The following CEP164 variants were observed in gnomAD, a reference collection of about 807,000 sequenced individuals.
CEP164 encodes the protein centrosomal protein of 164 kDa.
In CEP164, 162 loss-of-function variants were observed where a neutral mutation model predicts 182.7. That is an observed-to-expected ratio of 0.89 (90% CI 0.78 to 1.01). The LOEUF (loss-of-function observed/expected upper bound fraction) is 1.01. Ranked by LOEUF, CEP164 falls within the 50% of genes least tolerant of loss-of-function variation. The probability of loss-of-function intolerance (pLI) is 0.00; values close to 1 mark genes in which losing one functional copy is unlikely to be tolerated. For synonymous variants in CEP164, 661 were observed against 690.0 expected (o/e 0.96, Z 0.66); for missense variants, 1,735 against 1,790.4 (o/e 0.97, Z 0.56).
At chr11:117,372,364 G>A (rs1310545672) in intron 9 of CEP164, among the ~76,000 whole-genome samples, 1 of 151,842 alleles carries the variant, frequency 6.6e-6, no homozygotes, top group Non-Finnish European at 1.5e-5. Context: ...GCCCGCCTCG[G>A]CCTCCCCAAG....
intron 3 of CEP164, among the ~76,000 whole-genome samples, chr11:117,339,264 C>A (rs2037698189): frequency 6.6e-6 from 1 of 152,116 alleles, no homozygotes; most frequent in Non-Finnish European, 1.5e-5. Context: ...TAGTTACTCT[C>A]CGGTTGTTTA....
intron 5 of CEP164, chr11:117,356,498 G>C (rs1199772850): frequency 1.6e-6 from 2 of 1,288,438 alleles, no homozygotes; most frequent in East Asian, 1.1e-4. Flanking sequence ...TGCTTGGCAA[G>C]AGGCCTCTCA....
chr11:117,382,862 G>C lies in CEP164; in HGVS notation c.1644G>C (p.Glu548Asp), dbSNP rs1283528922. The C allele has an allele frequency of 1.9e-6, 3 of 1,614,008 alleles. No homozygotes were observed. In the African/African-American group the frequency reaches 4.0e-5, roughly 22 times the overall value. The change falls in exon 14 of 33, where the codon GAG becomes GAC. Residue 548 changes from glutamate (E) to aspartate (D), a missense_variant. By Grantham distance (45) the Glu-to-Asp change is conservative. Coordinates refer to ENST00000278935, the MANE Select transcript of CEP164 (RefSeq NM_014956.5). ...AGGAGCAGCATTCCCAGGCCGAGGA[G>C]CTGGGCCCTGGGCAGGAAGAGGCAG... The part of the protein sequence containing the change: ...KGKEQHSQAE[E>D]LGPGQEEAED...
Position 117,354,204 on chromosome 11 carries a change from C to T in CEP164, c.393+2216C>T, listed in dbSNP as rs139633528. 9.7e-3 allele frequency among the ~76,000 whole-genome samples: 1,472 copies of T among 151,922 alleles called. 25 individuals carry two copies. Among genetic ancestry groups the T allele is most frequent in the African/African-American group, 0.032 (1,331 of 41,420 alleles). ...GCTAATTTTTTGTATTTTTAGTAGA[C>T]ATGGGGTTTCACCATGATGGCCAGG... On this transcript the variant is annotated intron_variant, in intron 5 of 32. Transcript: ENST00000278935.
intron 28 of CEP164, among the ~76,000 whole-genome samples, chr11:117,408,295 C>T (rs2046940182): frequency 6.6e-6 from 1 of 152,164 alleles, no homozygotes; most frequent in African/African-American, 2.4e-5. Flanking sequence ...AGAAGAGGGC[C>T]AAGCCTTTAC....
intron 17 of CEP164, 92 bp downstream of exon 17, chr11:117,391,307 C>A: frequency 7.9e-7 from 1 of 1,261,434 alleles, no homozygotes; most frequent in Non-Finnish European, 1.1e-6. Flanking sequence ...GGGCAAGTCT[C>A]GGGTGGGCGT....
intron 4 of CEP164, among the ~76,000 whole-genome samples, chr11:117,347,077 T>C (rs1456270877): frequency 6.6e-6 from 1 of 152,314 alleles, no homozygotes; most frequent in East Asian, 1.9e-4. Context: ...TTCTTCTTTG[T>C]CTGTTTGTGT....
intron 27 of CEP164, among the ~76,000 whole-genome samples, chr11:117,399,739 T>C (rs907191508): frequency 4.0e-5 from 6 of 151,728 alleles, no homozygotes; most frequent in Non-Finnish European, 4.4e-5. Context: ...TGACCAGTGA[T>C]GATGAGCTTT....
rs771007283 is a variant in CEP164, at chr11:117,382,895, TGAG to T, written c.1681_1683del (p.Glu561del). Reference sequence around the variant, plus strand: ...CTGGGCAGGAAGAGGCAGAGGATCCTGAGGAGAAGGTGGCGGTCAGCCCCACCC... The same window carrying T: ...CTGGGCAGGAAGAGGCAGAGGATCCTGAGAAGGTGGCGGTCAGCCCCACCC... On this transcript the variant is annotated inframe_deletion, in exon 14 of 33. Transcript: ENST00000278935. 10 of 1,613,572 alleles carry T rather than the reference TGAG, an allele frequency of 6.2e-6. No individual in the cohort carries two copies. The highest frequency in any genetic ancestry group is 8.5e-6 in the Non-Finnish European group (10 of 1,179,986).
chr11:117,371,585 C>T (rs2042196335), intron 9 of CEP164, 119 bp downstream of exon 9: 2 of 1,245,968 alleles, frequency 1.6e-6, no homozygotes, highest in Non-Finnish European at 1.1e-6. Context: ...ATTTGCGTGT[C>T]CCTGCACTGG....
chr11:117,351,997 G>C lies in CEP164; in HGVS notation c.393+9G>C. On this transcript the variant is annotated intron_variant, in intron 5 of 32. Transcript: ENST00000278935. ...CCCCCAAAAGTTCGCTGGTGAGTCA[G>C]TGGATGCCTCCTCCCAGAGAGGCCA... The C allele has an allele frequency of 6.4e-7, 1 of 1,560,092 alleles. No homozygotes were observed. Among genetic ancestry groups the C allele is most frequent in the Non-Finnish European group, 8.7e-7 (1 of 1,151,888 alleles).
At chr11:117,371,565 C>T (rs2042193870) in intron 9 of CEP164, 99 bp downstream of exon 9, 1 of 1,425,296 alleles carries the variant, frequency 7.0e-7, no homozygotes, top group African/African-American at 1.4e-5. Context: ...ATTACTGAGT[C>T]AGGAGCTTCA....
chr11:117,352,831 C>T (rs773782989), intron 5 of CEP164, among the ~76,000 whole-genome samples: 1 of 152,228 alleles, frequency 6.6e-6, no homozygotes, highest in South Asian at 2.1e-4. Flanking sequence ...AAGTGATCCA[C>T]CCGCCTCAGC....
At chr11:117,396,805 C>T (rs1219154798) in intron 26 of CEP164, among the ~76,000 whole-genome samples, 194 bp downstream of exon 26, 4 of 152,230 alleles carry the variant, frequency 2.6e-5, no homozygotes, top group East Asian at 3.9e-4. Flanking sequence ...TGACCTTTGA[C>T]ATGGCATTCT....
chr11:117,400,972 C>T (rs2046068236), intron 27 of CEP164, among the ~76,000 whole-genome samples: 1 of 152,102 alleles, frequency 6.6e-6, no homozygotes, highest in African/African-American at 2.4e-5. Flanking sequence ...TTTGAATACC[C>T]TTTGTTTCTT....
chr11:117,347,094 A>G (rs1592063840), intron 4 of CEP164, among the ~76,000 whole-genome samples: 3 of 152,146 alleles, frequency 2.0e-5, no homozygotes, highest in Admixed American at 1.3e-4. Context: ...GTGTAGGCCT[A>G]CTCATTCTTG....
chr11:117,337,833 T>C (rs1304063810), intron 2 of CEP164, among the ~76,000 whole-genome samples: 1 of 152,172 alleles, frequency 6.6e-6, no homozygotes, highest in Non-Finnish European at 1.5e-5. Flanking sequence ...TCCCCTCTGG[T>C]GTAGGACAGG....
chr11:117,402,234 T>C (rs561746241), intron 27 of CEP164, among the ~76,000 whole-genome samples: 40 of 151,670 alleles, frequency 2.6e-4, no homozygotes, highest in Non-Finnish European at 5.3e-4. Context: ...TCTTTTTTTT[T>C]TTTTTGAGAC....
At position 117,354,178 on chromosome 11, in the gene CEP164, G is replaced by A. The variant is rs11605708; in HGVS notation, c.393+2190G>A. Among the ~76,000 whole-genome samples the A allele has an allele frequency of 6.5e-3, 988 of 152,016 alleles. 13 individuals are homozygous for A. The highest frequency in any genetic ancestry group is 0.021 in the African/African-American group (851 of 41,434). On this transcript the variant is annotated intron_variant, in intron 5 of 32. Transcript: ENST00000278935. ...ACTACAGGCGCCCACCACCGTGCCC[G>A]GCTAATTTTTTGTATTTTTAGTAGA...
Sources: allele counts gnomAD v4.1 joint callset (sites outside exome capture counted in the v4.1 genomes callset), GRCh38; gene constraint gnomAD v4.1.1; transcripts MANE v1.5; gene names NCBI Gene and HGNC (gene_info 2026-07-23, HGNC 2026-07-21).